Variants in CCDC18 observed in about 807,000 individuals in gnomAD.
CCDC18 encodes coiled-coil domain containing 18.
A neutral mutation model predicts 196.0 loss-of-function variants in CCDC18; 157 were observed. That is an observed-to-expected ratio of 0.80 (90% confidence interval 0.70 to 0.91). The LOEUF is 0.91. Ranked by LOEUF, CCDC18 falls within the 40% of genes least tolerant of loss-of-function variation. The pLI, the probability that CCDC18 is intolerant of heterozygous loss-of-function variation, is 0.00. For synonymous variants in CCDC18, 482 were observed against 529.2 expected, an observed-to-expected ratio of 0.91 and a Z score of 1.22; for missense variants, 1,465 against 1,611.6, an observed-to-expected ratio of 0.91 and a Z score of 1.56.
chr1:93,194,742 AGT>A (rs1652426050), intron 6 of CCDC18, among the ~76,000 whole-genome samples: 1 of 152,262 alleles, frequency 6.6e-6, no homozygotes, highest in African/African-American at 2.4e-5. Flanking sequence ...TAGTTAAAAT[AGT>A]GAGATAATAA....
intron 28 of CCDC18, among the ~76,000 whole-genome samples, chr1:93,271,843 A>G (rs1300494151): frequency 6.6e-6 from 1 of 152,182 alleles, no homozygotes; most frequent in Non-Finnish European, 1.5e-5. Flanking sequence ...CAGCTTTTGT[A>G]GATTTAACTG....
At chr1:93,271,379 A>C (rs1665244177) in intron 28 of CCDC18, 1 of 985,082 alleles carries the variant, frequency 1.0e-6, no homozygotes, top group African/African-American at 1.7e-5. Context: ...TTCTCTTTAA[A>C]AGAAAGATAT....
chr1:93,273,311 G>T (rs1201113234), intron 28 of CCDC18, among the ~76,000 whole-genome samples: 1 of 152,120 alleles, frequency 6.6e-6, no homozygotes, highest in Non-Finnish European at 1.5e-5. Context: ...CTCGTGATCT[G>T]CCTGCCTCTG....
At position 93,207,184 on chromosome 1, in the gene CCDC18, A is replaced by T; in HGVS notation, c.995A>T (p.Gln332Leu). 1 of 1,610,312 alleles carries T rather than the reference A, an allele frequency of 6.2e-7. No individual in the cohort carries two copies. Among genetic ancestry groups the T allele is most frequent in the Non-Finnish European group, 8.5e-7 (1 of 1,176,812 alleles). ...MAVKNSEVMA[Q>L]LTESRQSILK... ...GTGAAAAATTCAGAAGTCATGGCAC[A>T]ACTAACTGAATCTAGACAAAGTATT... The change falls in exon 9 of 29, where the codon CAA (glutamine) becomes CTA (leucine). Residue 332 changes from glutamine to leucine, a missense_variant. Transcript: ENST00000690025.
chr1:93,246,595 G>C (rs912965057), intron 22 of CCDC18, among the ~76,000 whole-genome samples: 29 of 151,986 alleles, frequency 1.9e-4, no homozygotes, highest in African/African-American at 6.5e-4. Context: ...GGGATTGAAT[G>C]TCACTATGTA....
At chr1:93,220,078 A>C (rs1256943159) in intron 14 of CCDC18, among the ~76,000 whole-genome samples, 1 of 152,192 alleles carries the variant, frequency 6.6e-6, no homozygotes, top group Non-Finnish European at 1.5e-5. Flanking sequence ...ATCAAAGAGA[A>C]CTACTTCTAG....
intron 17 of CCDC18, among the ~76,000 whole-genome samples, chr1:93,231,566 T>C (rs1244326271): frequency 6.6e-6 from 1 of 152,166 alleles, no homozygotes; most frequent in African/African-American, 2.4e-5. Context: ...TGTTTCATTG[T>C]TGATAGTATT....
At chr1:93,203,105 G>A (rs879661043) in intron 7 of CCDC18, among the ~76,000 whole-genome samples, 1 of 152,192 alleles carries the variant, frequency 6.6e-6, no homozygotes, top group Non-Finnish European at 1.5e-5. Context: ...GACTTTAAAA[G>A]ACAAGGCAAG....
chr1:93,264,567 T>C (rs1664238276), intron 26 of CCDC18, 134 bp from the exon 27 acceptor site: 3 of 557,890 alleles, frequency 5.4e-6, no homozygotes, highest in Admixed American at 6.8e-5. Flanking sequence ...AGAAATCAGA[T>C]GTTTGTAACT....
chr1:93,262,008 G>A (rs897981501), intron 26 of CCDC18, among the ~76,000 whole-genome samples: 2 of 152,132 alleles, frequency 1.3e-5, no homozygotes, highest in African/African-American at 2.4e-5. Flanking sequence ...TGTCTTACAT[G>A]GCAGCAGGAG....
upstream of CCDC18, chr1:93,180,042 C>T (rs1649253480): frequency 1.2e-6 from 2 of 1,610,862 alleles, no homozygotes; most frequent in Admixed American, 3.4e-5. Flanking sequence ...CTGGTTTATC[C>T]TCCGCACTTA....
Position 93,193,607 on chromosome 1 carries a change from A to G in CCDC18, c.570-9A>G. 6.4e-7 allele frequency: 1 copy of G among 1,563,694 alleles called. No individual in the cohort carries two copies. Among genetic ancestry groups the G allele is most frequent in the East Asian group, 2.4e-5 (1 of 42,172 alleles). On this transcript the variant is annotated splice_polypyrimidine_tract_variant and intron_variant, in intron 5 of 28. Transcript: ENST00000690025. The stretch of plus-strand genomic sequence containing the variant: ...AGTAGTCTTAAACAAAGTATCCTTT[A>G]TTTTATAGAGAGGCAGAAAATAAGC...
rs894134837 is a variant in CCDC18 at position 93,278,600 on chromosome 1, A to C, written c.*123A>C. The C allele has an allele frequency of 2.3e-5, 10 of 435,558 alleles. No individual in the cohort carries two copies. Among genetic ancestry groups the C allele is most frequent in the African/African-American group, 1.9e-4 (9 of 48,648 alleles). 27.0% of individuals were successfully genotyped at this position (435,558 alleles called of 1,614,324 possible). On this transcript the variant is annotated 3_prime_UTR_variant, in exon 29 of 29. Coordinates refer to ENST00000690025, the MANE Select transcript of CCDC18 (RefSeq NM_001378204.1). ...GCTTTTGAATAAATTTTATATTTCA[A>C]TATTTTAAAAGAAAGCCCTTCTAAA...
intron 16 of CCDC18, among the ~76,000 whole-genome samples, chr1:93,225,745 A>G (rs377094905): frequency 3.2e-4 from 48 of 151,718 alleles, no homozygotes; most frequent in African/African-American, 1.1e-3. Flanking sequence ...CCACTGCACT[A>G]CAGCCTGGGC....
intron 3 of CCDC18, among the ~76,000 whole-genome samples, chr1:93,185,328 A>G (rs1053830870): frequency 6.6e-6 from 1 of 151,938 alleles, no homozygotes; most frequent in African/African-American, 2.4e-5. Flanking sequence ...CCAAAATTAC[A>G]AATACATTTA....
At chr1:93,190,829 T>G in intron 4 of CCDC18, 1 of 719,838 alleles carries the variant, frequency 1.4e-6, no homozygotes, top group South Asian at 1.4e-5. Context: ...CTCTTAGATC[T>G]GCAGTTGGGC....
intron 4 of CCDC18, among the ~76,000 whole-genome samples, chr1:93,189,540 C>A (rs975235162): frequency 1.3e-5 from 2 of 152,166 alleles, no homozygotes; most frequent in African/African-American, 4.8e-5. Context: ...TTTTGAGGAG[C>A]CTCCAAACTG....
chr1:93,252,615 C>T (rs1662412266), intron 23 of CCDC18, among the ~76,000 whole-genome samples: 1 of 151,690 alleles, frequency 6.6e-6, no homozygotes, highest in African/African-American at 2.4e-5. Context: ...TTCAGGGTTA[C>T]TCTCTGGTGC....
intron 23 of CCDC18, 45 bp from the exon 24 acceptor site, chr1:93,254,426 C>T (rs1662671178): frequency 7.2e-7 from 1 of 1,393,128 alleles, no homozygotes; most frequent in Non-Finnish European, 9.8e-7. Flanking sequence ...GATTAAATTA[C>T]ATTTCATTAA....
Sources: gnomAD v4.1 joint callset for allele counts (sites outside exome capture counted in the v4.1 genomes callset) on GRCh38, gnomAD v4.1.1 for gene constraint, MANE v1.5 for transcripts, NCBI Gene and HGNC (gene_info 2026-07-23, HGNC 2026-07-21) for gene names.